Variants in MAP3K13 observed in about 807,000 individuals in gnomAD.
MAP3K13 encodes leucine zipper-bearing kinase.
In MAP3K13, 52 loss-of-function variants were observed where a neutral mutation model predicts 104.0. That is an observed-to-expected ratio of 0.50 (90% CI 0.40 to 0.63). The LOEUF is 0.63. Among genes scored for constraint, MAP3K13 ranks in the 20% least tolerant of loss-of-function variants. MAP3K13 has a pLI of 0.00. For missense variants in MAP3K13, 914 were observed against 1,218.5 expected (o/e 0.75, Z 3.72); for synonymous variants, 394 against 442.2 (o/e 0.89, Z 1.37).
intron 1 of MAP3K13, among the ~76,000 whole-genome samples, chr3:185,399,736 A>T (rs1712677418): frequency 1.4e-5 from 2 of 141,574 alleles, no homozygotes; most frequent in African/African-American, 5.3e-5. Flanking sequence ...CTCTAACAAT[A>T]TTTGTAGTTC....
At chr3:185,454,626 G>T (rs62649256) in intron 7 of MAP3K13, among the ~76,000 whole-genome samples, 435 of 14,118 alleles carry the variant, frequency 0.031, 72 homozygotes, top group Middle Eastern at 0.12. Context: ...ATATATATGA[G>T]ATATATATAT....
chr3:185,307,404 C>G (rs1577409539), intron 2 of MAP3K13, among the ~76,000 whole-genome samples: 1 of 151,926 alleles, frequency 6.6e-6, no homozygotes, highest in East Asian at 1.9e-4. Context: ...GTTGAATTAT[C>G]AAGCAGGAGC....
At chr3:185,349,126 CT>C (rs200267934) in intron 2 of MAP3K13, among the ~76,000 whole-genome samples, 221 of 142,934 alleles carry the variant, frequency 1.5e-3, no homozygotes, top group Middle Eastern at 3.6e-3. Context: ...TCTACTTATT[CT>C]TTTTTTTTTT....
intron 2 of MAP3K13, chr3:185,291,860 T>C: frequency 8.1e-7 from 1 of 1,236,022 alleles, no homozygotes; most frequent in Non-Finnish European, 1.0e-6. Context: ...TCCTTCATAT[T>C]GCTTACGTTC....
At chr3:185,468,076 C>T (rs186024929) in intron 10 of MAP3K13, among the ~76,000 whole-genome samples, 150 of 152,150 alleles carry the variant, frequency 9.9e-4, no homozygotes, top group African/African-American at 3.4e-3. Flanking sequence ...GGAGATGATG[C>T]GAAACCATTC....
rs192061305 is a variant in MAP3K13, at chr3:185,321,485, C to T, written c.-86+35842C>T. Among the ~76,000 whole-genome samples the T allele has an allele frequency of 1.1e-4, 17 of 152,244 alleles. No individual in the cohort carries two copies. The South Asian group carries it at 1.2e-3, about 11-fold the overall frequency. On this transcript the variant is annotated intron_variant, in intron 2 of 14. Transcript: ENST00000424227. The stretch of plus-strand genomic sequence containing the variant: ...ATAGCAAAATAGTGGTAAATATGAA[C>T]GATACATTCAAGATTTTTTTCATTA...
rs1357562360 is a variant in MAP3K13, at chr3:185,423,233, C to A, written c.-85-5264C>A. Among the ~76,000 whole-genome samples the A allele has an allele frequency of 6.6e-6, 1 of 152,094 alleles. No individual in the cohort carries two copies. The highest frequency in any genetic ancestry group is 1.5e-5 in the Non-Finnish European group (1 of 68,020). Reference sequence around the variant, plus strand: ...GCACTTGAACCATCTTGAAACCATCCCCCCTGCCTGGTCCGTGGAAGTAGT... The same window carrying A: ...GCACTTGAACCATCTTGAAACCATCACCCCTGCCTGGTCCGTGGAAGTAGT... On this transcript the variant is annotated intron_variant, in intron 1 of 13. Coordinates refer to ENST00000265026, the MANE Select transcript of MAP3K13 (RefSeq NM_004721.5). The surrounding 1 kb of genome is among the most constrained non-coding windows in gnomAD (Gnocchi z 4.1).
At chr3:185,394,799 A>G (rs1006522116) in intron 1 of MAP3K13, among the ~76,000 whole-genome samples, 1 of 152,206 alleles carries the variant, frequency 6.6e-6, no homozygotes, top group Non-Finnish European at 1.5e-5. Context: ...AACTTTCTAG[A>G]AAGACCTAAT....
At chr3:185,285,464 T>G (rs1720475728) in intron 1 of MAP3K13, 1 of 532,852 alleles carries the variant, frequency 1.9e-6, no homozygotes, top group African/African-American at 1.9e-5. Flanking sequence ...CATAATGAGT[T>G]GGTATCTCAG....
intron 2 of MAP3K13, 92 bp downstream of exon 2, chr3:185,429,148 T>A: frequency 8.2e-7 from 1 of 1,219,348 alleles, no homozygotes; most frequent in Middle Eastern, 2.1e-4. Context: ...CCTATGACCT[T>A]TGGGCAAATT....
At position 185,455,540 on chromosome 3, in the gene MAP3K13, A is replaced by ATGATATATG. The variant is rs1403964580; in HGVS notation, c.1278+4148_1278+4149insTATATGTGA. ...TATATATGATATATATGAGATATAT[A>ATGATATATG]TGACATATATATGATATATATGAGA... On this transcript the variant is annotated intron_variant, in intron 7 of 13. Coordinates refer to ENST00000265026, the MANE Select transcript of MAP3K13 (RefSeq NM_004721.5). Among the ~76,000 whole-genome samples, 12 of 26,532 alleles carry ATGATATATG rather than the reference A, an allele frequency of 4.5e-4. No individual in the cohort carries two copies. The South Asian group carries it at 7.7e-3, about 17-fold the overall frequency. The allele number at this position is 26,532 out of a possible 152,430, so 17.4% of individuals were successfully genotyped here.
At chr3:185,395,360 T>TCTTTTTTTTC (rs55982766) in intron 1 of MAP3K13, among the ~76,000 whole-genome samples, 1 of 56,996 alleles carries the variant, frequency 1.8e-5, no homozygotes, top group African/African-American at 9.4e-5. Flanking sequence ...ATTATTTCTT[T>TCTTTTTTTTC]TTTTTTTTTT....
chr3:185,328,207 A>G (rs1722110328), intron 2 of MAP3K13, among the ~76,000 whole-genome samples: 2 of 151,878 alleles, frequency 1.3e-5, no homozygotes, highest in Non-Finnish European at 2.9e-5. Context: ...TTTCACTAGT[A>G]AAAAAGTCAG....
chr3:185,406,094 T>C (rs1480177951), intron 1 of MAP3K13, among the ~76,000 whole-genome samples: 1 of 151,952 alleles, frequency 6.6e-6, no homozygotes, highest in African/African-American at 2.4e-5. Context: ...CGACCCTGGG[T>C]GAAAGAGTAG....
chr3:185,411,449 G>A (rs1297657245), intron 1 of MAP3K13, among the ~76,000 whole-genome samples: 1 of 152,158 alleles, frequency 6.6e-6, no homozygotes, highest in Non-Finnish European at 1.5e-5. Context: ...GACTTCTCAG[G>A]TAGATTTGCT....
At chr3:185,409,329 C>T (rs1387891306) in intron 1 of MAP3K13, among the ~76,000 whole-genome samples, 1 of 152,218 alleles carries the variant, frequency 6.6e-6, no homozygotes, top group Non-Finnish European at 1.5e-5. Flanking sequence ...GGTCACACCA[C>T]TGCACTCCAG....
intron 7 of MAP3K13, among the ~76,000 whole-genome samples, chr3:185,457,141 G>A (rs1716808719): frequency 7.2e-5 from 3 of 41,684 alleles, no homozygotes; most frequent in South Asian, 9.6e-4. Flanking sequence ...TGCCACAGTC[G>A]GGTTCCTCAC....
At chr3:185,303,428 C>T (rs78555824) in intron 2 of MAP3K13, among the ~76,000 whole-genome samples, 12,700 of 152,026 alleles carry the variant, frequency 0.084, 698 homozygotes, top group East Asian at 0.2. Flanking sequence ...TAGAATTGTC[C>T]ATTGAAGGCA....
chr3:185,417,996 A>T (rs1713886773), intron 1 of MAP3K13: 2 of 1,610,984 alleles, frequency 1.2e-6, no homozygotes, highest in African/African-American at 2.7e-5. Context: ...CATACAATTC[A>T]TCTAACTTCC....
Sources: gnomAD v4.1 joint callset for allele counts (sites outside exome capture counted in the v4.1 genomes callset) on GRCh38, gnomAD v4.1.1 for gene constraint, Gnocchi (gnomAD v3.1) non-coding constraint, MANE v1.5 for transcripts, NCBI Gene and HGNC (gene_info 2026-07-23, HGNC 2026-07-21) for gene names.